The following STPG1 variants were observed in gnomAD, a reference collection of about 807,000 sequenced individuals.
STPG1 encodes sperm tail PG-rich repeat containing 1.
In STPG1, 33 loss-of-function variants were observed where a neutral mutation model predicts 40.1. The observed-to-expected ratio is 0.82, with a 90% CI of 0.62 to 1.10. The LOEUF (loss-of-function observed/expected upper bound fraction) is 1.10. Ranked by LOEUF, STPG1 falls within the 50% of genes least tolerant of loss-of-function variation. The probability of loss-of-function intolerance (pLI) is 0.00; values close to 1 mark genes in which losing one functional copy is unlikely to be tolerated. For synonymous variants in STPG1, 150 were observed against 155.0 expected, an observed-to-expected ratio of 0.97 and a Z score of 0.24; for missense variants, 396 against 415.1, an observed-to-expected ratio of 0.95 and a Z score of 0.40.
chr1:24,396,273 A>AGC (rs1570079605), intron 2 of STPG1, among the ~76,000 whole-genome samples: 1 of 92,276 alleles, frequency 1.1e-5, no homozygotes, highest in East Asian at 4.7e-4. Context: ...ATCTATAGCT[A>AGC]TCTATCTATC....
intron 3 of STPG1, among the ~76,000 whole-genome samples, chr1:24,385,330 G>A (rs1642459381): frequency 6.6e-6 from 1 of 152,218 alleles, no homozygotes; most frequent in Admixed American, 6.5e-5. Flanking sequence ...CCTGCTTTAG[G>A]TGAGAATGAT....
intron 1 of STPG1, among the ~76,000 whole-genome samples, chr1:24,406,317 T>C (rs1014624094): frequency 2.0e-5 from 3 of 152,186 alleles, no homozygotes; most frequent in Non-Finnish European, 2.9e-5. Flanking sequence ...AAAATACACT[T>C]CCATTTCCTA....
chr1:24,364,187 A>C, intron 7 of STPG1: 1 of 1,490,692 alleles, frequency 6.7e-7, no homozygotes, highest in Non-Finnish European at 8.9e-7. Context: ...TCTTCCAGGG[A>C]AACTTCTCTC....
At chr1:24,364,131 C>T (rs60585087) in intron 7 of STPG1, 12 of 1,469,564 alleles carry the variant, frequency 8.2e-6, no homozygotes, top group Non-Finnish European at 1.0e-5. Flanking sequence ...GTGAGAAACA[C>T]CAACTTTCCC....
chr1:24,367,755 C>T (rs1641543070), intron 7 of STPG1, among the ~76,000 whole-genome samples: 1 of 152,202 alleles, frequency 6.6e-6, no homozygotes, highest in Admixed American at 6.5e-5. Context: ...CTCAAGTGAT[C>T]CATCTGCCTT....
At chr1:24,389,194 T>C (rs192376853) in intron 3 of STPG1, among the ~76,000 whole-genome samples, 79 of 152,222 alleles carry the variant, frequency 5.2e-4, no homozygotes, top group Non-Finnish European at 9.6e-4. Context: ...TGAGAAGCAA[T>C]CATCTTTTAA....
rs955634017 is a variant in STPG1, at chr1:24,373,804, C to T, written c.469G>A (p.Val157Ile). The T allele has an allele frequency of 6.8e-6, 11 of 1,607,096 alleles. No individual in the cohort carries two copies. Among genetic ancestry groups the T allele is most frequent in the South Asian group, 1.1e-5 (1 of 90,910 alleles). Residue 157 changes from valine (V) to isoleucine (I), a missense_variant, in exon 6 of 9, where the codon GTC becomes ATC. By Grantham distance (29) the Val-to-Ile change is conservative. Transcript: ENST00000337248. ...TPAPNYYNAS[V>I]SCCKQRNNVC... ...TTGTTTCTCTGCTTGCAGCAAGAGA[C>T]AGAGGCCTAGGGGGAGAAAATACAC...
In STPG1 at chr1:24,358,464, C is replaced by A. The variant is rs1288911705; in HGVS notation, c.*79G>T. On this transcript the variant is annotated 3_prime_UTR_variant, in exon 9 of 9. Coordinates refer to ENST00000337248, the MANE Select transcript of STPG1 (RefSeq NM_001199013.2). ...GTCAGCTGCCACACTCATGATCGGTCTCCTCCTGAGGAATGTCCTGGGGAC... is the reference window on the plus strand; with the variant it reads ...GTCAGCTGCCACACTCATGATCGGTATCCTCCTGAGGAATGTCCTGGGGAC... 1 of 1,232,758 alleles carries A rather than the reference C, an allele frequency of 8.1e-7. No individual in the cohort carries two copies. Among genetic ancestry groups the A allele is most frequent in the Non-Finnish European group, 1.2e-6 (1 of 832,070 alleles). The allele number at this position is 1,232,758 out of a possible 1,614,324, so 76.4% of individuals were successfully genotyped here.
At chr1:24,402,681 G>A (rs1396266319) in intron 1 of STPG1, among the ~76,000 whole-genome samples, 1 of 151,236 alleles carries the variant, frequency 6.6e-6, no homozygotes, top group African/African-American at 2.4e-5. Context: ...AGGAGATCAA[G>A]GCTGCACTGA....
At chr1:24,384,053 G>C in intron 3 of STPG1, 50 bp from the exon 4 acceptor site, 1 of 1,171,880 alleles carries the variant, frequency 8.5e-7, no homozygotes, top group Non-Finnish European at 1.3e-6. Context: ...ATTCCATTGT[G>C]CTTTTCCACA....
rs150528184 is a variant in STPG1 at position 24,386,410 on chromosome 1, C to T, written c.190-2407G>A. ...AGCAAAAAGAGAGTCCTCCAGGCAGCGGCAGCTGGAGCTGGCCAGCGGCAG... is the reference window on the plus strand; with the variant it reads ...AGCAAAAAGAGAGTCCTCCAGGCAGTGGCAGCTGGAGCTGGCCAGCGGCAG... On this transcript the variant is annotated intron_variant, in intron 3 of 8. Transcript: ENST00000337248. Among the ~76,000 whole-genome samples, 38 of 152,010 alleles carry T rather than the reference C, an allele frequency of 2.5e-4. 1 individual carries two copies. The East Asian group carries it at 6.7e-3, about 27-fold the overall frequency.
At chr1:24,401,287 G>C (rs765119739) in intron 2 of STPG1, 32 bp downstream of exon 2, 1 of 1,605,878 alleles carries the variant, frequency 6.2e-7, no homozygotes, top group Non-Finnish European at 8.5e-7. Flanking sequence ...CATATGTCAG[G>C]AGCTATCTCC....
At position 24,399,546 on chromosome 1, in the gene STPG1, A is replaced by G. The variant is rs1452263410; in HGVS notation, c.70+1773T>C. 6.6e-6 allele frequency among the ~76,000 whole-genome samples: 1 copy of G among 152,166 alleles called. No individual in the cohort carries two copies. Among genetic ancestry groups the G allele is most frequent in the Non-Finnish European group, 1.5e-5 (1 of 68,016 alleles). On this transcript the variant is annotated intron_variant, in intron 2 of 8. Coordinates refer to ENST00000337248, the MANE Select transcript of STPG1 (RefSeq NM_001199013.2). The surrounding 1 kb of genome is among the most constrained non-coding windows in gnomAD (Gnocchi z 4.0). Reference sequence around the variant, plus strand: ...CATAAAGAGACTGATAAATTGGGCTATATTAAAATCAAGAGTTTCTGTGTC... The same window carrying G: ...CATAAAGAGACTGATAAATTGGGCTGTATTAAAATCAAGAGTTTCTGTGTC...
upstream of STPG1, chr1:24,413,911 G>C (rs895312494): frequency 1.3e-5 from 2 of 152,372 alleles, no homozygotes; most frequent in Admixed American, 1.3e-4. Flanking sequence ...CTGTAGCGGG[G>C]TGGGGAACTA....
At chr1:24,414,530 G>GA, upstream of STPG1, 1 of 118,562 alleles carries the variant, frequency 8.4e-6, no homozygotes, top group South Asian at 2.8e-4. Flanking sequence ...TGAAATCCAA[G>GA]CTTTTTTTTT....
chr1:24,394,823 G>A (rs961426547), intron 2 of STPG1, among the ~76,000 whole-genome samples: 1 of 151,996 alleles, frequency 6.6e-6, no homozygotes, highest in Admixed American at 6.5e-5. Context: ...TGAGCTGTGT[G>A]GAAACTTTGA....
In STPG1 at chr1:24,358,577, T is replaced by A. The variant is rs1389928694; in HGVS notation, c.971A>T (p.Tyr324Phe). Residue 324 changes from tyrosine to phenylalanine, a missense_variant, in exon 9 of 9, where the codon TAC becomes TTC. Tyr to Phe is a conservative substitution (Grantham distance 22). Coordinates refer to ENST00000337248, the MANE Select transcript of STPG1 (RefSeq NM_001199013.2). ...PELPGKQSFLYNEDKKWIPVL is the reference protein window; with the variant it reads ...PELPGKQSFLFNEDKKWIPVL Reference sequence around the variant, plus strand: ...CGGGATCCATTTCTTGTCCTCGTTGTAGAGGAAGGACTGCTTTCCTGGAAG... The same window carrying A: ...CGGGATCCATTTCTTGTCCTCGTTGAAGAGGAAGGACTGCTTTCCTGGAAG... 6.8e-6 allele frequency: 11 copies of A among 1,613,944 alleles called. No homozygotes were observed. In the Admixed American group the frequency reaches 1.8e-4, roughly 27 times the overall value.
chr1:24,412,830 T>C (rs894914962), intron 1 of STPG1, among the ~76,000 whole-genome samples: 1 of 152,232 alleles, frequency 6.6e-6, no homozygotes, highest in Non-Finnish European at 1.5e-5. Flanking sequence ...TCAGAATATA[T>C]TTCCAGCGGG....
chr1:24,378,902 G>C (rs1642155164), intron 5 of STPG1, among the ~76,000 whole-genome samples: 1 of 152,156 alleles, frequency 6.6e-6, no homozygotes, highest in South Asian at 2.1e-4. Flanking sequence ...TTACTTGCTT[G>C]TATTTAAGGG....
Sources: gnomAD v4.1 joint callset for allele counts (sites outside exome capture counted in the v4.1 genomes callset) on GRCh38, gnomAD v4.1.1 for gene constraint, Gnocchi (gnomAD v3.1) non-coding constraint, MANE v1.5 for transcripts, NCBI Gene and HGNC (gene_info 2026-07-23, HGNC 2026-07-21) for gene names.